The following AKAP13 variants were observed in gnomAD, a reference collection of about 807,000 sequenced individuals.
AKAP13 encodes the protein A-kinase anchor protein 13.
AKAP13 carries 80 observed loss-of-function variants against 264.5 expected under a neutral mutation model. The observed-to-expected ratio is 0.30, with a 90% CI of 0.25 to 0.36. The LOEUF is 0.36. Ranked by LOEUF, AKAP13 falls within the 10% of genes least tolerant of loss-of-function variation. The pLI is 1.00. For synonymous variants in AKAP13, 1,380 were observed against 1,250.2 expected (o/e 1.10, Z -2.19); for missense variants, 3,712 against 3,435.2 (o/e 1.08, Z -2.01).
intron 1 of AKAP13, among the ~76,000 whole-genome samples, chr15:85,474,268 T>C (rs2075068685): frequency 6.6e-6 from 1 of 152,238 alleles, no homozygotes; most frequent in Non-Finnish European, 1.5e-5. Flanking sequence ...ATATTCCTGA[T>C]TCCTTTCTTT....
intron 14 of AKAP13, among the ~76,000 whole-genome samples, chr15:85,674,417 T>C (rs1236772227): frequency 6.6e-6 from 1 of 152,170 alleles, no homozygotes; most frequent in Non-Finnish European, 1.5e-5. Context: ...AGATGTCTCA[T>C]CATATATATG....
chr15:85,628,547 C>T (rs338496), intron 8 of AKAP13, among the ~76,000 whole-genome samples: 39,130 of 152,120 alleles, frequency 0.26, 7,004 homozygotes, highest in East Asian at 0.58. Context: ...CATCTCAGAT[C>T]TGCTTGAGCT....
intron 8 of AKAP13, among the ~76,000 whole-genome samples, chr15:85,620,622 A>C (rs2081140898): frequency 6.6e-6 from 1 of 151,660 alleles, no homozygotes; most frequent in Non-Finnish European, 1.5e-5. Flanking sequence ...TTTTTCTGCT[A>C]CTGTCTCGTT....
At chr15:85,545,751 A>G (rs934614978) in intron 5 of AKAP13, among the ~76,000 whole-genome samples, 1 of 152,234 alleles carries the variant, frequency 6.6e-6, no homozygotes, top group Non-Finnish European at 1.5e-5. Context: ...TGATTCTAGT[A>G]GAATTTGGTA....
chr15:85,593,251 GC>G (rs1596637622), intron 8 of AKAP13, among the ~76,000 whole-genome samples: 1 of 152,158 alleles, frequency 6.6e-6, no homozygotes, highest in East Asian at 1.9e-4. Flanking sequence ...GGTGGAGGTT[GC>G]AGTGAGCCAA....
intron 3 of AKAP13, among the ~76,000 whole-genome samples, chr15:85,530,265 G>A (rs1308175342): frequency 1.3e-5 from 2 of 152,030 alleles, no homozygotes; most frequent in African/African-American, 2.4e-5. Flanking sequence ...TTAGCAATTC[G>A]GGACAAATTT....
At chr15:85,744,043 G>A in intron 36 of AKAP13, 1 of 570,794 alleles carries the variant, frequency 1.8e-6, no homozygotes, top group East Asian at 2.9e-5. Context: ...CAGAGAGCAT[G>A]GGTTTCATTT....
intron 10 of AKAP13, among the ~76,000 whole-genome samples, chr15:85,647,825 G>A (rs1217120327): frequency 6.6e-6 from 1 of 152,126 alleles, no homozygotes; most frequent in Non-Finnish European, 1.5e-5. Context: ...CTACTCGGGA[G>A]GCTGAGGCAG....
chr15:85,460,411 T>C (rs928982130), intron 1 of AKAP13, among the ~76,000 whole-genome samples: 1 of 152,222 alleles, frequency 6.6e-6, no homozygotes, highest in Non-Finnish European at 1.5e-5. Context: ...AGTTCACTGG[T>C]GTGACATTAT....
intron 14 of AKAP13, chr15:85,670,632 TAAAA>T (rs527768173): frequency 2.2e-4 from 33 of 151,912 alleles, no homozygotes; most frequent in African/African-American, 7.7e-4. Flanking sequence ...CACTTTAATC[TAAAA>T]AGTTCCTCAG....
intron 12 of AKAP13, among the ~76,000 whole-genome samples, chr15:85,661,791 C>T (rs554912425): frequency 2.0e-5 from 3 of 151,872 alleles, no homozygotes; most frequent in South Asian, 2.1e-4. Context: ...TTATCTTTAA[C>T]GTAACAGCCT....
intron 9 of AKAP13, among the ~76,000 whole-genome samples, chr15:85,642,830 G>A (rs1403005771): frequency 2.0e-5 from 3 of 152,226 alleles, no homozygotes; most frequent in Non-Finnish European, 2.9e-5. Context: ...GACGTGGTCT[G>A]TTAGAGGGCC....
intron 8 of AKAP13, among the ~76,000 whole-genome samples, chr15:85,598,662 A>C (rs1390193766): frequency 1.3e-5 from 2 of 152,196 alleles, no homozygotes; most frequent in African/African-American, 2.4e-5. Flanking sequence ...GGTGGGTAAA[A>C]TAAGACAGAT....
intron 2 of AKAP13, among the ~76,000 whole-genome samples, chr15:85,500,778 T>A (rs1346173772): frequency 1.3e-5 from 2 of 152,168 alleles, no homozygotes; most frequent in Admixed American, 1.3e-4. Context: ...CTCCCAGAAA[T>A]GTGTTTGTTT....
intron 1 of AKAP13, among the ~76,000 whole-genome samples, chr15:85,414,913 T>C (rs1045531160): frequency 4.7e-5 from 7 of 148,754 alleles, no homozygotes; most frequent in African/African-American, 1.7e-4. Context: ...TAAAATGGAT[T>C]CTGGGATTGT....
chr15:85,600,843 T>C (rs1387621742), intron 8 of AKAP13, among the ~76,000 whole-genome samples: 1 of 152,234 alleles, frequency 6.6e-6, no homozygotes, highest in East Asian at 1.9e-4. Context: ...GCATTGTGTC[T>C]GTGGCTCTTC....
chr15:85,629,990 G>A (rs1320155125), intron 8 of AKAP13, among the ~76,000 whole-genome samples: 1 of 151,486 alleles, frequency 6.6e-6, no homozygotes, highest in Non-Finnish European at 1.5e-5. Flanking sequence ...ATGTTGCCCA[G>A]GCTGGTCTTG....
intron 8 of AKAP13, among the ~76,000 whole-genome samples, chr15:85,633,773 T>C (rs2151457429): frequency 6.6e-6 from 1 of 152,030 alleles, no homozygotes; most frequent in East Asian, 1.9e-4. Flanking sequence ...CTCGATCTCC[T>C]GACCTCGTGA....
chr15:85,645,618 G>A (rs1008102037), intron 9 of AKAP13, among the ~76,000 whole-genome samples, 200 bp from the exon 10 acceptor site: 2 of 152,186 alleles, frequency 1.3e-5, no homozygotes, highest in African/African-American at 2.4e-5. Context: ...TAGAATTGGA[G>A]TAGCAGAGCT....
Sources: allele counts gnomAD v4.1 joint callset (sites outside exome capture counted in the v4.1 genomes callset), GRCh38; gene constraint gnomAD v4.1.1; transcripts MANE v1.5; gene names NCBI Gene and HGNC (gene_info 2026-07-23, HGNC 2026-07-21).